Variants in ZBTB2 observed in about 807,000 individuals in gnomAD.
ZBTB2 encodes zinc finger and BTB domain containing 2, also known as zinc finger and BTB domain-containing protein 2.
Under a neutral mutation model 39.5 loss-of-function variants are expected in ZBTB2, and 2 were observed. The observed-to-expected ratio is 0.05, with a 90% CI of 0.02 to 0.16. ZBTB2 has a LOEUF of 0.16. Ranked by LOEUF, ZBTB2 falls within the 10% of genes least tolerant of loss-of-function variation. The probability of loss-of-function intolerance (pLI) is 1.00; values close to 1 mark genes in which losing one functional copy is unlikely to be tolerated. For synonymous variants in ZBTB2, 251 were observed against 256.6 expected (o/e 0.98, Z 0.21); for missense variants, 391 against 653.0 (o/e 0.60, Z 4.37).
chr6:151,367,177 A>G (rs565535278), intron 2 of ZBTB2, among the ~76,000 whole-genome samples: 253 of 151,796 alleles, frequency 1.7e-3, no homozygotes, highest in African/African-American at 5.8e-3. Flanking sequence ...CTGGAATGCA[A>G]TGGCACAATC....
chr6:151,370,644 C>A (rs1275897499), intron 2 of ZBTB2, among the ~76,000 whole-genome samples: 1 of 152,184 alleles, frequency 6.6e-6, no homozygotes, highest in African/African-American at 2.4e-5. Flanking sequence ...AAGACAGGGA[C>A]ATCTAGTGGT....
chr6:151,379,654 A>G (rs941262886), intron 1 of ZBTB2, among the ~76,000 whole-genome samples: 2 of 150,900 alleles, frequency 1.3e-5, no homozygotes, highest in Non-Finnish European at 3.0e-5. Context: ...AAAAAAAAAA[A>G]AAAAAAGAAA....
At chr6:151,389,239 T>C (rs979871807) in intron 1 of ZBTB2, among the ~76,000 whole-genome samples, 3 of 151,938 alleles carry the variant, frequency 2.0e-5, no homozygotes, top group Admixed American at 6.6e-5. Context: ...TCGGGCAACA[T>C]AGCGAGATCC....
At chr6:151,391,367 T>TG (rs1582928568) in intron 1 of ZBTB2, 53 bp downstream of exon 1, 1 of 151,458 alleles carries the variant, frequency 6.6e-6, no homozygotes, top group Non-Finnish European at 1.5e-5. Flanking sequence ...GACCCTGGGC[T>TG]GGGGGTGGCA....
intron 2 of ZBTB2, among the ~76,000 whole-genome samples, chr6:151,372,526 G>T (rs550945290): frequency 1.1e-4 from 17 of 152,212 alleles, no homozygotes; most frequent in Admixed American, 1.3e-4. Flanking sequence ...CAGATAAAAA[G>T]AACAGAATAA....
chr6:151,390,119 C>A (rs1017456362), intron 1 of ZBTB2, among the ~76,000 whole-genome samples: 2 of 152,062 alleles, frequency 1.3e-5, no homozygotes, highest in Non-Finnish European at 2.9e-5. Flanking sequence ...GCGCAGATGG[C>A]GCGTCGGGCG....
chr6:151,384,431 G>A (rs1476377243), intron 1 of ZBTB2, among the ~76,000 whole-genome samples: 4 of 152,164 alleles, frequency 2.6e-5, no homozygotes, highest in Non-Finnish European at 4.4e-5. Flanking sequence ...ACTGCTAGTG[G>A]TCTACAAAAG....
rs191541534 is a variant in ZBTB2, at chr6:151,366,726, C to T, written c.340G>A (p.Ala114Thr). Residue 114 changes from alanine (A) to threonine (T), a missense_variant, in exon 3 of 3, where the codon GCC becomes ACC. By Grantham distance (58) the Ala-to-Thr change is moderately conservative (BLOSUM62 0). Around this residue, in one of 7 missense-constraint regions of ZBTB2, gnomAD observed 175 missense variants for 198.6 expected, o/e 0.88. Transcript: ENST00000325144. This position sits in a 1 kb window ranked among gnomAD's most constrained non-coding sequence, Gnocchi z 7.1. ...AYPLIQEASL[A>T]SQGAFSHPDQ... ...GGGTGAGAAAAGGCTCCCTGGCTGG[C>T]GAGGCTGGCTTCCTGAATGAGCGGG... 7.4e-6 allele frequency: 12 copies of T among 1,614,062 alleles called. No homozygotes were observed. Among genetic ancestry groups the T allele is most frequent in the South Asian group, 5.5e-5 (5 of 91,068 alleles).
At chr6:151,373,881 G>A (rs75759229) in intron 1 of ZBTB2, among the ~76,000 whole-genome samples, 14,941 of 68,340 alleles carry the variant, frequency 0.22, 1,606 homozygotes, top group African/African-American at 0.46. Flanking sequence ...AAAAAAACCA[G>A]ATGATGCCAT....
intron 1 of ZBTB2, among the ~76,000 whole-genome samples, chr6:151,375,404 G>A (rs1451246826): frequency 6.6e-6 from 1 of 152,118 alleles, no homozygotes; most frequent in Non-Finnish European, 1.5e-5. Flanking sequence ...ATTATGGACA[G>A]GAAGACTCAA....
intron 2 of ZBTB2, among the ~76,000 whole-genome samples, chr6:151,368,673 CG>C (rs1778706554): frequency 6.7e-6 from 1 of 149,440 alleles, no homozygotes; most frequent in African/African-American, 2.5e-5. Context: ...AGGCTGGTCT[CG>C]AACTCCTGAC....
At position 151,365,646 on chromosome 6, in the gene ZBTB2, C is replaced by G; in HGVS notation, c.1420G>C (p.Asp474His). 1 of 1,614,212 alleles carries G rather than the reference C, an allele frequency of 6.2e-7. No individual in the cohort carries two copies. The highest frequency in any genetic ancestry group is 1.1e-5 in the South Asian group (1 of 91,082). ...CGCCCTTCGTCTAGGGCAAAAACAT[C>G]CGAGTTCTGGTTTTGGCATGAATGT... ...VKHSCQNQNS[D>H]VFALDEGRSI... The change falls in exon 3 of 3, where the codon GAT (aspartate) becomes CAT (histidine). Residue 474 changes from aspartate to histidine, a missense_variant. Physicochemically the swap from Asp to His is moderately conservative, Grantham distance 81. Coordinates refer to ENST00000325144, the MANE Select transcript of ZBTB2 (RefSeq NM_020861.3). The surrounding 1 kb of genome is among the most constrained non-coding windows in gnomAD (Gnocchi z 5.6).
At chr6:151,374,452 C>T (rs899378924) in intron 1 of ZBTB2, among the ~76,000 whole-genome samples, 24 of 152,150 alleles carry the variant, frequency 1.6e-4, no homozygotes, top group Admixed American at 1.4e-3. Flanking sequence ...TGGCAAACCC[C>T]GCTGGCCTGA....
intron 1 of ZBTB2, among the ~76,000 whole-genome samples, chr6:151,377,697 G>A (rs747489298): frequency 5.9e-5 from 9 of 151,788 alleles, no homozygotes; most frequent in Non-Finnish European, 1.3e-4. Context: ...CCACCACCAT[G>A]CCCAGCTTAT....
chr6:151,372,118 G>C (rs1003861157), intron 2 of ZBTB2, among the ~76,000 whole-genome samples: 1 of 152,258 alleles, frequency 6.6e-6, no homozygotes, highest in Middle Eastern at 3.4e-3. Flanking sequence ...CATAGGAAGG[G>C]TGCAAAAGAC....
chr6:151,368,395 C>T (rs373107953), intron 2 of ZBTB2, among the ~76,000 whole-genome samples: 8 of 152,102 alleles, frequency 5.3e-5, no homozygotes, highest in Admixed American at 2.0e-4. Flanking sequence ...GTGATCTGCC[C>T]GCCTCGGCCT....
chr6:151,391,049 C>T (rs972815456), intron 1 of ZBTB2, among the ~76,000 whole-genome samples: 3 of 145,654 alleles, frequency 2.1e-5, no homozygotes, highest in African/African-American at 7.6e-5. Flanking sequence ...CGCCGCCCGC[C>T]CTCTCGGCTT....
intron 1 of ZBTB2, among the ~76,000 whole-genome samples, chr6:151,376,201 G>T (rs1331469366): frequency 6.6e-6 from 1 of 152,070 alleles, no homozygotes; most frequent in Non-Finnish European, 1.5e-5. Context: ...ACTCAAAATG[G>T]ATAACAAACT....
intron 2 of ZBTB2, 114 bp from the exon 3 acceptor site, chr6:151,367,006 G>A: frequency 8.9e-7 from 1 of 1,122,622 alleles, no homozygotes; most frequent in African/African-American, 1.6e-5. Flanking sequence ...TCCTATCCTT[G>A]ATTTTTAGTA....
Sources: gnomAD v4.1 joint callset for allele counts (sites outside exome capture counted in the v4.1 genomes callset) on GRCh38, gnomAD v4.1.1 for gene constraint, gnomAD v4.1.1 regional missense constraint, Gnocchi (gnomAD v3.1) non-coding constraint, MANE v1.5 for transcripts, NCBI Gene and HGNC (gene_info 2026-07-23, HGNC 2026-07-21) for gene names.